PRMT1: variants seen among roughly 807,000 people sequenced by gnomAD.
The protein encoded by PRMT1 is protein arginine N-methyltransferase 1.
PRMT1 carries 5 observed loss-of-function variants against 47.4 expected under a neutral mutation model. The ratio of observed to expected loss-of-function variants is 0.11; its 90% CI spans 0.06 to 0.22. PRMT1 has a LOEUF of 0.22. Ranked by LOEUF, PRMT1 falls within the 10% of genes least tolerant of loss-of-function variation. PRMT1 has a pLI of 1.00. For synonymous variants in PRMT1, 227 were observed against 204.6 expected (o/e 1.11, Z -0.94); for missense variants, 249 against 518.4 (o/e 0.48, Z 5.05).
At chr19:49,686,791 AGTGGTG>A in intron 10 of PRMT1, 65 bp downstream of exon 10, 1 of 47,422 alleles carries the variant, frequency 2.1e-5, no homozygotes, top group Non-Finnish European at 3.5e-5. Context: ...TTGGGGGGGG[AGTGGTG>A]GGGGAGGAAT....
chr19:49,686,278 C>A (rs45448598), intron 9 of PRMT1, 35 bp downstream of exon 9: 17 of 1,555,070 alleles, frequency 1.1e-5, no homozygotes, highest in Non-Finnish European at 1.3e-5. Context: ...GGGCCGTTCC[C>A]GAGCCAGGGC....
chr19:49,686,125 C>T lies in PRMT1; in HGVS notation c.792C>T (p.Asp264=), dbSNP rs752920683. The change falls in exon 9 of 11, where the codon GAC becomes GAT. Residue 264 remains aspartate, a synonymous_variant. Coordinates refer to ENST00000454376, the MANE Select transcript of PRMT1 (RefSeq NM_001536.6). ...ACATCTATACCGTCAAGGTGGAAGA[C>T]CTGACCTTCACCTCCCCGTTCTGCC... is the stretch of plus-strand genomic sequence containing the variant. The part of the protein sequence containing the change: ...EVDIYTVKVE[D]LTFTSPFCLQ... The T allele has an allele frequency of 9.9e-6, 16 of 1,613,942 alleles. No individual in the cohort carries two copies. Among genetic ancestry groups the T allele is most frequent in the Non-Finnish European group, 8.5e-6 (10 of 1,179,968 alleles).
Position 49,684,594 on chromosome 19 carries a change from C to T in PRMT1, c.556-160C>T, listed in dbSNP as rs1486314373. Among the ~76,000 whole-genome samples the T allele has an allele frequency of 6.6e-6, 1 of 152,066 alleles. No homozygotes were observed. The highest frequency in any genetic ancestry group is 2.4e-5 in the African/African-American group (1 of 41,394). On this transcript the variant is annotated intron_variant, in intron 6 of 10. Coordinates refer to ENST00000454376, the MANE Select transcript of PRMT1 (RefSeq NM_001536.6). The surrounding 1 kb of genome is among the most constrained non-coding windows in gnomAD (Gnocchi z 6.2). ...AGCTGACTGGGGTGCCCCTGGGTGC[C>T]CTCTGGCGGCCGTGTGGGAAATAGA...
chr19:49,682,304 T>C, intron 5 of PRMT1, 45 bp downstream of exon 5: 1 of 1,589,172 alleles, frequency 6.3e-7, no homozygotes, highest in African/African-American at 1.3e-5. Context: ...GAGGGGGTGA[T>C]GCCCTGCTTC....
Position 49,685,555 on chromosome 19 carries a change from A to T in PRMT1, c.759+518A>T. On this transcript the variant is annotated intron_variant, in intron 8 of 10. Coordinates refer to ENST00000454376, the MANE Select transcript of PRMT1 (RefSeq NM_001536.6). This position sits in a 1 kb window ranked among gnomAD's most constrained non-coding sequence, Gnocchi z 4.7. ...TTCTGAGACCCTGTTTAAAAAAAAA[A>T]AATACGGCGATGAGTATTTGTTGAG... 2 of 1,021,106 alleles carry T rather than the reference A, an allele frequency of 2.0e-6. No individual in the cohort carries two copies. The highest frequency in any genetic ancestry group is 2.3e-6 in the Non-Finnish European group (2 of 851,328). 63.3% of individuals were successfully genotyped at this position (1,021,106 alleles called of 1,614,324 possible).
In PRMT1 at chr19:49,682,297, G is replaced by C. The variant is rs765478991; in HGVS notation, c.412+38G>C. 1.6e-4 allele frequency: 258 copies of C among 1,601,588 alleles called. 2 individuals are homozygous for C. Among genetic ancestry groups the C allele is most frequent in the Non-Finnish European group, 1.0e-5 (12 of 1,170,654 alleles). Reference sequence around the variant, plus strand: ...AGAGGATGGGTTTGTGGGAGTGGAGGGGGTGATGCCCTGCTTCCCCAGGGC... The same window carrying C: ...AGAGGATGGGTTTGTGGGAGTGGAGCGGGTGATGCCCTGCTTCCCCAGGGC... On this transcript the variant is annotated intron_variant, in intron 5 of 10. Transcript: ENST00000454376.
At chr19:49,677,085 C>T, upstream of PRMT1, 2 of 449,890 alleles carry the variant, frequency 4.4e-6, no homozygotes, top group Non-Finnish European at 7.4e-6. Flanking sequence ...AGTTGGCAAA[C>T]CCCTGACCTA....
chr19:49,680,713 T>C lies in PRMT1; in HGVS notation c.192+125T>C, dbSNP rs2082104616. On this transcript the variant is annotated intron_variant, in intron 3 of 10. Coordinates refer to ENST00000454376, the MANE Select transcript of PRMT1 (RefSeq NM_001536.6). This position sits in a 1 kb window ranked among gnomAD's most constrained non-coding sequence, Gnocchi z 4.2. Reference sequence around the variant, plus strand: ...GCCGCAGGCCGCCCCCCTGCCCCTCTGCTGCGCACTTCCTAGGGTCGCCTC... The same window carrying C: ...GCCGCAGGCCGCCCCCCTGCCCCTCCGCTGCGCACTTCCTAGGGTCGCCTC... 1.3e-6 allele frequency: 1 copy of C among 773,482 alleles called. No homozygotes were observed. The allele number at this position is 773,482 out of a possible 1,614,324, so 47.9% of individuals were successfully genotyped here. A position where few individuals can be genotyped will look rare whatever the true frequency, so the allele number is the denominator to read the frequency against.
intron 5 of PRMT1, 155 bp from the exon 6 acceptor site, chr19:49,683,772 G>A: frequency 2.6e-6 from 2 of 765,228 alleles, no homozygotes; most frequent in Non-Finnish European, 2.1e-6. Context: ...TGTCCAGAAC[G>A]ATGTATGAAT....
chr19:49,688,110 C>T lies in PRMT1; in HGVS notation c.1033-52C>T, dbSNP rs2082238380. On this transcript the variant is annotated intron_variant, in intron 10 of 10. Transcript: ENST00000454376. This position sits in a 1 kb window ranked among gnomAD's most constrained non-coding sequence, Gnocchi z 5.3. ...CGCATAGCCTGCCTGCACCCGCCCC[C>T]CGCCACCACCTCCTGGTGGGTTCCG... 2 of 1,533,314 alleles carry T rather than the reference C, an allele frequency of 1.3e-6. No homozygotes were observed. The highest frequency in any genetic ancestry group is 9.0e-7 in the Non-Finnish European group (1 of 1,106,746). The allele number at this position is 1,533,314 out of a possible 1,614,324, so 95.0% of individuals were successfully genotyped here.
At chr19:49,682,306 C>T (rs1336161207) in intron 5 of PRMT1, 47 bp downstream of exon 5, 1 of 1,584,622 alleles carries the variant, frequency 6.3e-7, no homozygotes, top group Non-Finnish European at 8.7e-7. Context: ...GGGGGTGATG[C>T]CCTGCTTCCC....
In PRMT1 at chr19:49,681,836, G is replaced by C; in HGVS notation, c.193-74G>C. 6.7e-7 allele frequency: 1 copy of C among 1,501,550 alleles called. No individual in the cohort carries two copies. Among genetic ancestry groups the C allele is most frequent in the South Asian group, 1.3e-5 (1 of 77,428 alleles). 93.0% of individuals were successfully genotyped at this position (1,501,550 alleles called of 1,614,324 possible). A position where few individuals can be genotyped will look rare whatever the true frequency, so the allele number is the denominator to read the frequency against. Reference sequence around the variant, plus strand: ...AGAGGGCCGAGCTCTGGCCCTCCGAGCTCTCAGGACACGCTGTTCTCCAGC... The same window carrying C: ...AGAGGGCCGAGCTCTGGCCCTCCGACCTCTCAGGACACGCTGTTCTCCAGC... On this transcript the variant is annotated intron_variant, in intron 3 of 10. Transcript: ENST00000454376. The surrounding 1 kb of genome is among the most constrained non-coding windows in gnomAD (Gnocchi z 4.4).
At chr19:49,686,518 G>A in intron 9 of PRMT1, 87 bp from the exon 10 acceptor site, 2 of 1,436,914 alleles carry the variant, frequency 1.4e-6, no homozygotes, top group South Asian at 1.3e-5. Context: ...CAGCTGTCAT[G>A]GGGGTGGGCA....
chr19:49,680,630 T>A lies in PRMT1; in HGVS notation c.192+42T>A. Reference sequence around the variant, plus strand: ...CCCAAGGCCCCAATCTTAGGGGGGCTTAAATGTTGGGGAAGGGGTGGAACC... The same window carrying A: ...CCCAAGGCCCCAATCTTAGGGGGGCATAAATGTTGGGGAAGGGGTGGAACC... On this transcript the variant is annotated intron_variant, in intron 3 of 10. Coordinates refer to ENST00000454376, the MANE Select transcript of PRMT1 (RefSeq NM_001536.6). The surrounding 1 kb of genome is among the most constrained non-coding windows in gnomAD (Gnocchi z 4.2). 6.7e-7 allele frequency: 1 copy of A among 1,484,692 alleles called. No homozygotes were observed. The highest frequency in any genetic ancestry group is 9.4e-7 in the Non-Finnish European group (1 of 1,063,390). The allele number at this position is 1,484,692 out of a possible 1,614,324, so 92.0% of individuals were successfully genotyped here. A position where few individuals can be genotyped will look rare whatever the true frequency, so the allele number is the denominator to read the frequency against.
chr19:49,680,683 C>A lies in PRMT1; in HGVS notation c.192+95C>A. The A allele has an allele frequency of 6.7e-6, 7 of 1,038,472 alleles. No individual in the cohort carries two copies. Among genetic ancestry groups the A allele is most frequent in the Non-Finnish European group, 1.0e-5 (7 of 686,818 alleles). 64.3% of individuals were successfully genotyped at this position (1,038,472 alleles called of 1,614,324 possible). A position where few individuals can be genotyped will look rare whatever the true frequency, so the allele number is the denominator to read the frequency against. ...TTTTCCCACGCATGCGCACTGCTTC[C>A]CCTGGCCGCAGGCCGCCCCCCTGCC... On this transcript the variant is annotated intron_variant, in intron 3 of 10. Coordinates refer to ENST00000454376, the MANE Select transcript of PRMT1 (RefSeq NM_001536.6). This position sits in a 1 kb window ranked among gnomAD's most constrained non-coding sequence, Gnocchi z 4.2.
At chr19:49,679,721 C>T (rs966840605) in intron 1 of PRMT1, 151 bp from the exon 2 acceptor site, 6 of 677,034 alleles carry the variant, frequency 8.9e-6, no homozygotes, top group Admixed American at 2.1e-5. Context: ...TTAAACACCC[C>T]ACCTCATTAC....
rs1389585435 is a variant in PRMT1, at chr19:49,680,395, A to T, written c.91-92A>T. The T allele has an allele frequency of 1.0e-5, 12 of 1,188,168 alleles. No homozygotes were observed. Among genetic ancestry groups the T allele is most frequent in the Non-Finnish European group, 1.5e-5 (12 of 800,690 alleles). 73.6% of individuals were successfully genotyped at this position (1,188,168 alleles called of 1,614,324 possible). ...CATGGTATGATTTTGGGGGTTCTATACTACTCTTCAGGGAAAAGTAGGGCG... is the reference window on the plus strand; with the variant it reads ...CATGGTATGATTTTGGGGGTTCTATTCTACTCTTCAGGGAAAAGTAGGGCG... On this transcript the variant is annotated intron_variant, in intron 2 of 10. Coordinates refer to ENST00000454376, the MANE Select transcript of PRMT1 (RefSeq NM_001536.6). The surrounding 1 kb of genome is among the most constrained non-coding windows in gnomAD (Gnocchi z 4.2).
chr19:49,676,595 A>G (rs1272495760), upstream of PRMT1, among the ~76,000 whole-genome samples: 1 of 152,156 alleles, frequency 6.6e-6, no homozygotes, highest in African/African-American at 2.4e-5. Context: ...GACCCCAGCT[A>G]TGCCCTTCCT....
At chr19:49,686,341 T>G (rs1244655869) in intron 9 of PRMT1, 98 bp downstream of exon 9, 1 of 1,442,888 alleles carries the variant, frequency 6.9e-7, no homozygotes, top group Admixed American at 2.3e-5. Flanking sequence ...GAAGGAACCA[T>G]GGGGACACGC....
Sources: allele counts gnomAD v4.1 joint callset (sites outside exome capture counted in the v4.1 genomes callset), GRCh38; gene constraint gnomAD v4.1.1; non-coding constraint Gnocchi (gnomAD v3.1); transcripts MANE v1.5; gene names NCBI Gene and HGNC (gene_info 2026-07-23, HGNC 2026-07-21).